Variants in KSR2 observed in about 807,000 individuals in gnomAD.
The protein encoded by KSR2 is kinase suppressor of ras 2.
A neutral mutation model predicts 107.8 loss-of-function variants in KSR2; 25 were observed. That is an observed-to-expected ratio of 0.23 (90% CI 0.17 to 0.32). The LOEUF (loss-of-function observed/expected upper bound fraction) is 0.32, where lower values mean the gene tolerates loss of function less well. Ranked by LOEUF, KSR2 falls within the 10% of genes least tolerant of loss-of-function variation. KSR2 has a pLI of 1.00. For missense variants in KSR2, 887 were observed against 1,268.9 expected (o/e 0.70, Z 4.57); for synonymous variants, 480 against 507.0 (o/e 0.95, Z 0.71).
intron 16 of KSR2, 25 bp from the exon 17 acceptor site, chr12:117,476,620 G>T: frequency 6.2e-7 from 1 of 1,600,572 alleles, no homozygotes. Context: ...CACAGGATGA[G>T]CTCTGTTTCA....
At chr12:117,490,272 C>T (rs145986803) in intron 14 of KSR2, among the ~76,000 whole-genome samples, 64 of 152,294 alleles carry the variant, frequency 4.2e-4, no homozygotes, top group African/African-American at 1.4e-3. Context: ...GTCCAAATCC[C>T]GACTCCAGCA....
At chr12:117,620,587 T>G (rs571020174) in intron 5 of KSR2, among the ~76,000 whole-genome samples, 10 of 152,278 alleles carry the variant, frequency 6.6e-5, no homozygotes, top group South Asian at 2.1e-4. Flanking sequence ...GCTTATGCAC[T>G]CTAGAGCTCC....
Position 117,762,735 on chromosome 12 carries a change from C to T in KSR2, c.473-1211G>A, listed in dbSNP as rs1042810309. ...CAAAAAAATTAGCTAGGTGTGGTGG[C>T]GTGTGCCTGTAATCCCAGCTACTCA... On this transcript the variant is annotated intron_variant, in intron 3 of 19. Transcript: ENST00000339824. Among the ~76,000 whole-genome samples the T allele has an allele frequency of 4.6e-5, 7 of 151,946 alleles. No homozygotes were observed. The East Asian group carries it at 5.8e-4, about 13-fold the overall frequency.
chr12:117,769,221 TG>T (rs1889350640), intron 3 of KSR2, among the ~76,000 whole-genome samples: 1 of 151,992 alleles, frequency 6.6e-6, no homozygotes, highest in African/African-American at 2.4e-5. Context: ...CTCATCTTAG[TG>T]GGTTTTTTTT....
chr12:117,753,863 T>C (rs498430), intron 4 of KSR2, among the ~76,000 whole-genome samples: 133,812 of 149,754 alleles, frequency 0.89, 60,076 homozygotes, highest in African/African-American at 0.97. Flanking sequence ...TCAGCACATA[T>C]TTCCCACTGT....
intron 14 of KSR2, among the ~76,000 whole-genome samples, chr12:117,514,551 T>TTC (rs1874244015): frequency 6.6e-6 from 1 of 150,970 alleles, no homozygotes; most frequent in Non-Finnish European, 1.5e-5. Context: ...TCTCTTTTTT[T>TTC]TTTTTTTTTT....
intron 7 of KSR2, among the ~76,000 whole-genome samples, chr12:117,570,033 C>T (rs1593003760): frequency 6.6e-6 from 1 of 150,586 alleles, no homozygotes; most frequent in Non-Finnish European, 1.5e-5. Flanking sequence ...GACAGGGTCT[C>T]GCTCTGTTGC....
At chr12:117,720,038 GTTTGGAAGCTTGGGAGAGAAGCTGGGTA>G in intron 4 of KSR2, among the ~76,000 whole-genome samples, 1 of 152,220 alleles carries the variant, frequency 6.6e-6, no homozygotes. Flanking sequence ...ATAACTTGAA[GTTTGGAAGCTTGGGAGAGAAGCTGGGTA>G]TAGGGAGCAT....
intron 5 of KSR2, among the ~76,000 whole-genome samples, chr12:117,626,300 G>T (rs984144478): frequency 6.6e-6 from 1 of 152,138 alleles, no homozygotes; most frequent in East Asian, 1.9e-4. Context: ...TGATGTTGGG[G>T]TGTTGATTTT....
At chr12:117,908,059 T>C (rs1894907405) in intron 1 of KSR2, among the ~76,000 whole-genome samples, 2 of 152,202 alleles carry the variant, frequency 1.3e-5, no homozygotes, top group African/African-American at 4.8e-5. Context: ...AAGAAGGTGA[T>C]TGACAGCGAT....
chr12:117,557,314 T>G (rs1417143051), intron 8 of KSR2, among the ~76,000 whole-genome samples: 1 of 152,198 alleles, frequency 6.6e-6, no homozygotes, highest in African/African-American at 2.4e-5. Context: ...GGTTTTCCAG[T>G]GTCCCACAGC....
chr12:117,600,143 T>C (rs1880857282), intron 5 of KSR2, among the ~76,000 whole-genome samples: 2 of 152,144 alleles, frequency 1.3e-5, no homozygotes, highest in Admixed American at 6.5e-5. Flanking sequence ...CATTGAGAAA[T>C]GGGTCTGAGC....
intron 5 of KSR2, among the ~76,000 whole-genome samples, chr12:117,633,876 C>T (rs1882925112): frequency 6.6e-6 from 1 of 152,158 alleles, no homozygotes; most frequent in African/African-American, 2.4e-5. Flanking sequence ...GCACTGTGCT[C>T]CTCCAGACAT....
At chr12:117,898,325 T>G (rs1261328638) in intron 1 of KSR2, among the ~76,000 whole-genome samples, 3 of 151,394 alleles carry the variant, frequency 2.0e-5, no homozygotes, top group Non-Finnish European at 4.4e-5. Flanking sequence ...GTTTGTCTCC[T>G]TTTTTTTAAC....
At chr12:117,965,547 A>G (rs1033888251) in intron 1 of KSR2, among the ~76,000 whole-genome samples, 1 of 152,216 alleles carries the variant, frequency 6.6e-6, no homozygotes, top group Non-Finnish European at 1.5e-5. Context: ...AAGTGTATAC[A>G]TGCTATTAAG....
intron 3 of KSR2, among the ~76,000 whole-genome samples, chr12:117,774,312 G>C (rs879602152): frequency 3.9e-5 from 6 of 152,146 alleles, no homozygotes; most frequent in Non-Finnish European, 8.8e-5. Flanking sequence ...AGCGAATAAG[G>C]ACAAATGAAA....
intron 5 of KSR2, among the ~76,000 whole-genome samples, chr12:117,588,841 C>T (rs773071431): frequency 2.0e-5 from 3 of 152,132 alleles, no homozygotes; most frequent in Non-Finnish European, 4.4e-5. Flanking sequence ...AATATCAGTG[C>T]CCACTGTACC....
chr12:117,528,327 A>C (rs1875366051), intron 12 of KSR2, among the ~76,000 whole-genome samples: 1 of 152,146 alleles, frequency 6.6e-6, no homozygotes, highest in East Asian at 1.9e-4. Flanking sequence ...TGTGTTTTTG[A>C]AGTGCAGCAG....
intron 5 of KSR2, among the ~76,000 whole-genome samples, chr12:117,601,472 G>GA (rs1044600824): frequency 6.6e-6 from 1 of 152,008 alleles, no homozygotes; most frequent in African/African-American, 2.4e-5. Flanking sequence ...CAGCACAGGG[G>GA]AAAATGGACA....
Sources: allele counts gnomAD v4.1 joint callset (sites outside exome capture counted in the v4.1 genomes callset), GRCh38; gene constraint gnomAD v4.1.1; transcripts MANE v1.5; gene names NCBI Gene and HGNC (gene_info 2026-07-23, HGNC 2026-07-21).